The following NELL1 variants were observed in gnomAD, a reference collection of about 807,000 sequenced individuals.
The protein encoded by NELL1 is neural EGFL like 1, also known as protein kinase C-binding protein NELL1.
NELL1 carries 76 observed loss-of-function variants against 107.4 expected under a neutral mutation model. That is an observed-to-expected ratio of 0.71 (90% CI 0.59 to 0.86). NELL1 has a LOEUF of 0.86. Among genes scored for constraint, NELL1 ranks in the 40% least tolerant of loss-of-function variants. The pLI is 0.00. For missense variants in NELL1, 1,024 were observed against 1,005.5 expected (o/e 1.02, Z -0.25); for synonymous variants, 353 against 341.2 (o/e 1.03, Z -0.38).
At chr11:21,239,922 G>A (rs571517701) in intron 14 of NELL1, among the ~76,000 whole-genome samples, 1 of 152,116 alleles carries the variant, frequency 6.6e-6, no homozygotes, top group African/African-American at 2.4e-5. Flanking sequence ...TGTAGAAATG[G>A]GAAGTTTTGG....
intron 5 of NELL1, among the ~76,000 whole-genome samples, chr11:20,894,202 T>C (rs1375962762): frequency 6.6e-6 from 1 of 152,224 alleles, no homozygotes; most frequent in East Asian, 1.9e-4. Context: ...GAGAATACTT[T>C]ATGACCTCGA....
chr11:21,275,696 T>C (rs1224011692), intron 14 of NELL1, among the ~76,000 whole-genome samples: 1 of 152,220 alleles, frequency 6.6e-6, no homozygotes, highest in African/African-American at 2.4e-5. Flanking sequence ...AAGAAGCTTA[T>C]TCAATATGAT....
At chr11:21,228,326 C>T (rs1440160802) in intron 13 of NELL1, among the ~76,000 whole-genome samples, 1 of 152,144 alleles carries the variant, frequency 6.6e-6, no homozygotes, top group Non-Finnish European at 1.5e-5. Context: ...GATCGGTTTC[C>T]CTCCATGTCC....
intron 12 of NELL1, among the ~76,000 whole-genome samples, chr11:21,105,645 G>T (rs565530587): frequency 3.3e-5 from 5 of 152,140 alleles, no homozygotes; most frequent in African/African-American, 1.2e-4. Flanking sequence ...CGATTTTATG[G>T]GTTGCTCTTT....
chr11:20,849,448 A>C (rs1283568794), intron 4 of NELL1, among the ~76,000 whole-genome samples: 9 of 152,108 alleles, frequency 5.9e-5, no homozygotes, highest in Non-Finnish European at 1.2e-4. Flanking sequence ...CCTGCCTTCA[A>C]ACTTTCATAC....
chr11:21,371,603 A>G (rs989963451), intron 15 of NELL1, among the ~76,000 whole-genome samples: 1 of 152,106 alleles, frequency 6.6e-6, no homozygotes, highest in African/African-American at 2.4e-5. Context: ...TTGATGTTCA[A>G]TGCCAATGTA....
rs191859182 is a variant in NELL1 at position 21,538,039 on chromosome 11, C to T, written c.1786+3525C>T. Among the ~76,000 whole-genome samples, 16 of 152,218 alleles carry T rather than the reference C, an allele frequency of 1.1e-4. No individual in the cohort carries two copies. The East Asian group carries it at 2.9e-3, about 28-fold the overall frequency. Reference sequence around the variant, plus strand: ...AGCTTAATAGCACTGAAAATGAGCACATCTGAATAAACCCTAAATAATATC... The same window carrying T: ...AGCTTAATAGCACTGAAAATGAGCATATCTGAATAAACCCTAAATAATATC... On this transcript the variant is annotated intron_variant, in intron 16 of 19. Transcript: ENST00000357134.
chr11:21,001,427 A>G (rs1852218288), intron 12 of NELL1, among the ~76,000 whole-genome samples: 1 of 149,534 alleles, frequency 6.7e-6, no homozygotes, highest in African/African-American at 2.5e-5. Context: ...CCGTTCACTG[A>G]TGTCTGACTC....
intron 5 of NELL1, among the ~76,000 whole-genome samples, chr11:20,903,180 A>G (rs923452984): frequency 1.3e-5 from 2 of 151,502 alleles, no homozygotes; most frequent in African/African-American, 2.4e-5. Context: ...GTGTGTGTAT[A>G]TATGTATATG....
At chr11:21,170,114 C>T (rs529304287) in intron 13 of NELL1, 3 of 753,694 alleles carry the variant, frequency 4.0e-6, no homozygotes, top group South Asian at 1.6e-5. Flanking sequence ...GGCAAAACCA[C>T]CCTTCAGGTC....
chr11:20,800,785 C>A (rs531475000), intron 3 of NELL1, among the ~76,000 whole-genome samples: 2 of 152,116 alleles, frequency 1.3e-5, no homozygotes, highest in Non-Finnish European at 2.9e-5. Context: ...ATGCAGCCTG[C>A]AGGGCAGGAA....
intron 2 of NELL1, among the ~76,000 whole-genome samples, chr11:20,755,628 T>C (rs1450307800): frequency 6.8e-6 from 1 of 147,100 alleles, no homozygotes; most frequent in Admixed American, 6.9e-5. Flanking sequence ...CGATCTCAGC[T>C]CACTGCAACC....
intron 13 of NELL1, among the ~76,000 whole-genome samples, chr11:21,176,215 G>A (rs77207764): frequency 0.018 from 2,749 of 151,860 alleles, 52 homozygotes; most frequent in Non-Finnish European, 0.024. Context: ...TGTTTCTGTC[G>A]CCATCAACTT....
intron 13 of NELL1, among the ~76,000 whole-genome samples, chr11:21,122,351 G>A (rs974455361): frequency 1.3e-5 from 2 of 152,148 alleles, no homozygotes; most frequent in Non-Finnish European, 2.9e-5. Context: ...GGCTGGTCTT[G>A]CAGCTCCACT....
chr11:21,536,298 C>T (rs183377784), intron 16 of NELL1, among the ~76,000 whole-genome samples: 45 of 151,370 alleles, frequency 3.0e-4, no homozygotes, highest in Admixed American at 5.2e-4. Flanking sequence ...TCTTTTGTTC[C>T]TATCTTTGTG....
intron 2 of NELL1, among the ~76,000 whole-genome samples, chr11:20,716,584 C>T (rs1437531226): frequency 6.6e-6 from 1 of 152,192 alleles, no homozygotes; most frequent in African/African-American, 2.4e-5. Flanking sequence ...TGCATGCTTA[C>T]ATATTACCAC....
chr11:20,984,622 G>A (rs536608814), intron 12 of NELL1, among the ~76,000 whole-genome samples: 2 of 151,534 alleles, frequency 1.3e-5, no homozygotes, highest in African/African-American at 2.4e-5. Context: ...TAGCCTTTAC[G>A]GCCATCTCCT....
At chr11:20,912,170 T>C (rs1564963244) in intron 5 of NELL1, among the ~76,000 whole-genome samples, 1 of 152,196 alleles carries the variant, frequency 6.6e-6, no homozygotes, top group Admixed American at 6.5e-5. Flanking sequence ...ACCTAATTTC[T>C]GGACCCTGGT....
chr11:20,678,524 A>G (rs1183894173), intron 2 of NELL1, among the ~76,000 whole-genome samples: 2 of 152,196 alleles, frequency 1.3e-5, no homozygotes, highest in East Asian at 3.9e-4. Flanking sequence ...CGGGACCACA[A>G]TTCATTAAAT....
Sources: allele counts gnomAD v4.1 joint callset (sites outside exome capture counted in the v4.1 genomes callset), GRCh38; gene constraint gnomAD v4.1.1; transcripts MANE v1.5; gene names NCBI Gene and HGNC (gene_info 2026-07-23, HGNC 2026-07-21).